Variants in DAB1 observed in about 807,000 individuals in gnomAD.
The protein encoded by DAB1 is DAB adaptor protein 1, also known as disabled homolog 1.
DAB1 carries 15 observed loss-of-function variants against 64.6 expected under a neutral mutation model. That is an observed-to-expected ratio of 0.23 (90% CI 0.16 to 0.36). The LOEUF (loss-of-function observed/expected upper bound fraction) is 0.36. DAB1 is among the 10% of genes least tolerant of loss of function. The pLI, the probability that DAB1 is intolerant of heterozygous loss-of-function variation, is 1.00. For missense variants in DAB1, 596 were observed against 706.7 expected (o/e 0.84, Z 1.78); for synonymous variants, 235 against 251.9 (o/e 0.93, Z 0.64).
chr1:57,563,752 A>G (rs549247163), intron 7 of DAB1, among the ~76,000 whole-genome samples: 1 of 152,266 alleles, frequency 6.6e-6, no homozygotes, highest in South Asian at 2.1e-4. Context: ...AGGGGCACCC[A>G]CCATTGCTGA....
intron 4 of DAB1, among the ~76,000 whole-genome samples, chr1:57,132,826 C>T (rs1342002127): frequency 6.6e-6 from 1 of 152,030 alleles, no homozygotes; most frequent in Non-Finnish European, 1.5e-5. Flanking sequence ...CAGGAAAGCT[C>T]ATCAGAATGA....
intron 8 of DAB1, 45 bp from the exon 9 acceptor site, chr1:57,062,988 C>A (rs1367640913): frequency 1.3e-6 from 2 of 1,560,998 alleles, no homozygotes; most frequent in Non-Finnish European, 1.8e-6. Flanking sequence ...CTCTGGTACT[C>A]CAATTTCAAA....
intron 9 of DAB1, among the ~76,000 whole-genome samples, chr1:57,049,782 A>T (rs1176486186): frequency 6.6e-6 from 1 of 152,168 alleles, no homozygotes; most frequent in African/African-American, 2.4e-5. Context: ...TGATTGCCAT[A>T]AACTGCATTG....
chr1:57,804,665 G>A (rs570747664), intron 6 of DAB1, among the ~76,000 whole-genome samples: 4 of 152,272 alleles, frequency 2.6e-5, no homozygotes, highest in South Asian at 4.1e-4. Context: ...TTAGAAATGC[G>A]TGCATTTAAT....
intron 4 of DAB1, among the ~76,000 whole-genome samples, chr1:58,155,543 C>T (rs557945723): frequency 6.6e-6 from 1 of 152,140 alleles, no homozygotes; most frequent in Non-Finnish European, 1.5e-5. Context: ...TCTAGCACCC[C>T]CTATTGGCAG....
At chr1:58,300,355 G>A (rs969692485) in intron 4 of DAB1, among the ~76,000 whole-genome samples, 1 of 151,824 alleles carries the variant, frequency 6.6e-6, no homozygotes, top group South Asian at 2.1e-4. Context: ...AGATCAGCCT[G>A]GCCAACATGG....
chr1:58,249,383 A>G (rs1660697354), intron 4 of DAB1, among the ~76,000 whole-genome samples: 1 of 148,398 alleles, frequency 6.7e-6, no homozygotes, highest in South Asian at 2.3e-4. Flanking sequence ...AGAGCCGGGC[A>G]TAATTATTTT....
chr1:57,393,948 A>T (rs1276747754), intron 1 of DAB1, among the ~76,000 whole-genome samples: 1 of 152,144 alleles, frequency 6.6e-6, no homozygotes, highest in East Asian at 1.9e-4. Context: ...TGGCCCACAT[A>T]TAGGTAGATC....
chr1:57,418,365 G>T (rs566158938), intron 1 of DAB1, among the ~76,000 whole-genome samples: 1 of 152,320 alleles, frequency 6.6e-6, no homozygotes. Context: ...GACAGAGAAA[G>T]AGCAAAGAAA....
chr1:57,907,316 C>A (rs1330748505), intron 5 of DAB1, among the ~76,000 whole-genome samples: 5 of 152,196 alleles, frequency 3.3e-5, no homozygotes, highest in African/African-American at 1.2e-4. Context: ...ATCTTTCTCA[C>A]ATGCCAAAAA....
At chr1:58,480,511 C>A (rs1427853281) in intron 3 of DAB1, among the ~76,000 whole-genome samples, 1 of 152,060 alleles carries the variant, frequency 6.6e-6, no homozygotes, top group Admixed American at 6.6e-5. Flanking sequence ...TCCTGAGGCC[C>A]CCTTTTCCAC....
chr1:58,317,652 G>A (rs1170368086), intron 4 of DAB1, among the ~76,000 whole-genome samples: 3 of 152,204 alleles, frequency 2.0e-5, no homozygotes, highest in African/African-American at 4.8e-5. Flanking sequence ...AACTAGCTTG[G>A]AAGTGGATTC....
intron 5 of DAB1, among the ~76,000 whole-genome samples, chr1:58,140,881 C>A (rs532945559): frequency 6.6e-6 from 1 of 152,130 alleles, no homozygotes; most frequent in Non-Finnish European, 1.5e-5. Flanking sequence ...ATAATAAGAA[C>A]CAGCAGAGGA....
At chr1:58,074,980 C>T (rs1269212782) in intron 5 of DAB1, among the ~76,000 whole-genome samples, 1 of 152,052 alleles carries the variant, frequency 6.6e-6, no homozygotes, top group Non-Finnish European at 1.5e-5. Context: ...ACAAAGTTTC[C>T]AAAGCTGAAT....
intron 4 of DAB1, among the ~76,000 whole-genome samples, chr1:58,288,041 A>AAAAAAAAAAAAAAG (rs1557723010): frequency 6.9e-6 from 1 of 145,830 alleles, no homozygotes; most frequent in African/African-American, 2.5e-5. Context: ...AAAAAAAAAA[A>AAAAAAAAAAAAAAG]AAAAGAAAAA....
chr1:57,405,545 T>C (rs1009932268), intron 1 of DAB1, among the ~76,000 whole-genome samples: 8 of 152,172 alleles, frequency 5.3e-5, no homozygotes, highest in Middle Eastern at 3.2e-3. Context: ...TATTTTTTGT[T>C]TTACCTAATT....
intron 2 of DAB1, among the ~76,000 whole-genome samples, chr1:57,201,429 A>G (rs1665087966): frequency 6.6e-6 from 1 of 151,984 alleles, no homozygotes; most frequent in African/African-American, 2.4e-5. Flanking sequence ...CTGAGGGCAC[A>G]GTTTCTTTAT....
intron 3 of DAB1, among the ~76,000 whole-genome samples, chr1:58,448,836 G>A (rs963080199): frequency 2.6e-5 from 4 of 152,226 alleles, no homozygotes; most frequent in African/African-American, 9.6e-5. Context: ...GGACTGCACA[G>A]CTGCCTTGGC....
chr1:58,448,016 G>A (rs578205302), intron 3 of DAB1, among the ~76,000 whole-genome samples: 1 of 152,082 alleles, frequency 6.6e-6, no homozygotes, highest in African/African-American at 2.4e-5. Flanking sequence ...TCTGCCACAT[G>A]CAGCCTCATG....
Sources: gnomAD v4.1 joint callset for allele counts (sites outside exome capture counted in the v4.1 genomes callset) on GRCh38, gnomAD v4.1.1 for gene constraint, MANE v1.5 for transcripts, NCBI Gene and HGNC (gene_info 2026-07-23, HGNC 2026-07-21) for gene names.